HTT: variants seen among roughly 807,000 people sequenced by gnomAD.
The protein encoded by HTT is huntingtin.
HTT carries 104 observed loss-of-function variants against 362.3 expected under a neutral mutation model. The ratio of observed to expected loss-of-function variants is 0.29; its 90% CI spans 0.24 to 0.34. HTT has a LOEUF of 0.34. Ranked by LOEUF, HTT falls within the 10% of genes least tolerant of loss-of-function variation. The probability of loss-of-function intolerance (pLI) is 1.00; values close to 1 mark genes in which losing one functional copy is unlikely to be tolerated. For synonymous variants in HTT, 1,577 were observed against 1,548.7 expected (o/e 1.02, Z -0.43); for missense variants, 3,301 against 3,928.6 (o/e 0.84, Z 4.27).
intron 41 of HTT, 77 bp downstream of exon 41, chr4:3,200,016 G>A: frequency 2.4e-6 from 3 of 1,230,346 alleles, no homozygotes; most frequent in East Asian, 2.5e-5. Context: ...CTGAGCTTTG[G>A]CCACCGTTAA....
chr4:3,206,653 C>G lies in HTT; in HGVS notation c.5876C>G (p.Ser1959Cys), dbSNP rs1719867536. Residue 1959 changes from serine (S) to cysteine (C), a missense_variant, in exon 43 of 67, where the codon TCT (serine) becomes TGT (cysteine). Physicochemically the swap from Ser to Cys is moderately radical, Grantham distance 112 (BLOSUM62 -1). This residue lies in a region of HTT where 2,316 missense variants were observed against 2,658.5 expected (regional missense o/e 0.87). Coordinates refer to ENST00000355072, the MANE Select transcript of HTT (RefSeq NM_001388492.1). This position sits in a 1 kb window ranked among gnomAD's most constrained non-coding sequence, Gnocchi z 4.6. ...GGCCTGTTCATCCAGGCAATTCAGTCTCGTTGTGAAAACCTTTCAACTGTA... is the reference window on the plus strand; with the variant it reads ...GGCCTGTTCATCCAGGCAATTCAGTGTCGTTGTGAAAACCTTTCAACTGTA... ...ASGLFIQAIQ[S>C]RCENLSTPTM... 1.2e-6 allele frequency: 2 copies of G among 1,614,196 alleles called. No individual in the cohort carries two copies. Among genetic ancestry groups the G allele is most frequent in the Non-Finnish European group, 1.7e-6 (2 of 1,180,038 alleles).
Position 3,148,005 on chromosome 4 carries a change from C to T in HTT, c.3296C>T (p.Ala1099Val). ...ALILAGNLLA[A>V]SAPKSLRSSW... is the part of the protein sequence containing the mutation. Reference sequence around the variant, plus strand: ...GGTAATGTCTGTGCCCATATCACAGCCAGTGCTCCCAAATCTCTGAGAAGT... The same window carrying T: ...GGTAATGTCTGTGCCCATATCACAGTCAGTGCTCCCAAATCTCTGAGAAGT... Residue 1099 changes from alanine (A) to valine (V), a missense_variant and splice_region_variant, in exon 26 of 67, where the codon GCC becomes GTC. Around this residue, in one of 4 missense-constraint regions of HTT, gnomAD observed 2,316 missense variants for 2,658.5 expected, o/e 0.87. Transcript: ENST00000355072. 6.2e-7 allele frequency: 1 copy of T among 1,610,530 alleles called. No individual in the cohort carries two copies. The highest frequency in any genetic ancestry group is 8.5e-7 in the Non-Finnish European group (1 of 1,178,226).
intron 23 of HTT, 129 bp downstream of exon 23, chr4:3,143,015 G>A: frequency 1.6e-6 from 1 of 635,592 alleles, no homozygotes. Context: ...CATGAGGCTT[G>A]CTAAGAAATT....
chr4:3,166,516 TC>T, intron 29 of HTT, among the ~76,000 whole-genome samples: 1 of 152,326 alleles, frequency 6.6e-6, no homozygotes, highest in East Asian at 1.9e-4. Flanking sequence ...GATGTGCCCT[TC>T]CCCCAGAGGT....
Position 3,132,603 on chromosome 4 carries a change from G to A in HTT, c.2278G>A (p.Gly760Arg). 1 of 1,614,026 alleles carries A rather than the reference G, an allele frequency of 6.2e-7. No individual in the cohort carries two copies. The highest frequency in any genetic ancestry group is 1.3e-5 in the African/African-American group (1 of 75,046). ...AGACATCTTGAACTACATCGATCAT[G>A]GAGACCCACAGGTTCGAGGAGCCAC... Reference protein sequence around the residue: ...VSDILNYIDHGDPQVRGATAI... With the variant: ...VSDILNYIDHRDPQVRGATAI... The change falls in exon 17 of 67, where the codon GGA becomes AGA. Residue 760 changes from glycine to arginine, a missense_variant. Transcript: ENST00000355072.
At chr4:3,134,649 G>T (rs181705775) in intron 19 of HTT, 109 bp downstream of exon 19, 2 of 1,031,380 alleles carry the variant, frequency 1.9e-6, no homozygotes, top group Non-Finnish European at 1.4e-6. Context: ...TCAGAAATCC[G>T]AGTGGTTTAG....
At position 3,241,778 on chromosome 4, in the gene HTT, G is replaced by C. The variant is rs1013591128; in HGVS notation, c.*1719G>C. The C allele has an allele frequency of 8.1e-6, 1 of 123,272 alleles. No homozygotes were observed. The highest frequency in any genetic ancestry group is 1.6e-5 in the Non-Finnish European group (1 of 61,120). The allele number at this position is 123,272 out of a possible 1,614,324, so 7.6% of individuals were successfully genotyped here. A position where few individuals can be genotyped will look rare whatever the true frequency, so the allele number is the denominator to read the frequency against. On this transcript the variant is annotated 3_prime_UTR_variant, in exon 67 of 67. Transcript: ENST00000355072. ...TGAAAGGGAGCCCCTCCTCTGAGCA[G>C]CCTCTGCCAGGCCTGTATGAGGCTT...
chr4:3,139,761 G>A (rs363063), intron 21 of HTT, among the ~76,000 whole-genome samples: 68,863 of 151,914 alleles, frequency 0.45, 16,143 homozygotes, highest in African/African-American at 0.55. Context: ...GTTTGGGACA[G>A]TTTTGCAGAC....
chr4:3,172,950 G>A lies in HTT; in HGVS notation c.3985G>A (p.Asp1329Asn). 1 of 1,614,148 alleles carries A rather than the reference G, an allele frequency of 6.2e-7. No homozygotes were observed. Residue 1329 changes from aspartate (D) to asparagine (N), a missense_variant, in exon 31 of 67, where the codon GAT (aspartate) becomes AAT (asparagine). Transcript: ENST00000355072. ...TGGCACAAACTTGGCCTCCCAGTTT[G>A]ATGGCTTATCTTCCAACCCCAGCAA... ...LFGTNLASQFDGLSSNPSKSQ... is the reference protein window; with the variant it reads ...LFGTNLASQFNGLSSNPSKSQ...
chr4:3,198,862 G>A (rs776705356), intron 40 of HTT, among the ~76,000 whole-genome samples: 1 of 152,202 alleles, frequency 6.6e-6, no homozygotes, highest in Admixed American at 6.5e-5. Flanking sequence ...CTCCATGGCC[G>A]GGCACAGAGG....
At chr4:3,193,415 C>T (rs1242240596) in intron 40 of HTT, among the ~76,000 whole-genome samples, 1 of 152,196 alleles carries the variant, frequency 6.6e-6, no homozygotes, top group East Asian at 1.9e-4. Context: ...TAATATTTTG[C>T]CACCAGTTGG....
chr4:3,201,774 C>G lies in HTT; in HGVS notation c.5576+1835C>G, dbSNP rs548869678. On this transcript the variant is annotated intron_variant, in intron 41 of 66. Transcript: ENST00000355072. ...CCCCTGCTCTTAGCACTGTGTTTTTCCAGCTGTGGGTGGTGGGGGATGAGT... is the reference window on the plus strand; with the variant it reads ...CCCCTGCTCTTAGCACTGTGTTTTTGCAGCTGTGGGTGGTGGGGGATGAGT... 1.8e-4 allele frequency among the ~76,000 whole-genome samples: 27 copies of G among 152,208 alleles called. No homozygotes were observed. The South Asian group carries it at 5.4e-3, about 30-fold the overall frequency.
At position 3,206,926 on chromosome 4, in the gene HTT, C is replaced by G. The variant is rs765774656; in HGVS notation, c.6018C>G (p.Arg2006=). Reference sequence around the variant, plus strand: ...GCACCCCTTTCCGTGTGCTGGCTCGCATGGTCGACATCCTTGCTTGTCGCC... The same window carrying G: ...GCACCCCTTTCCGTGTGCTGGCTCGGATGGTCGACATCCTTGCTTGTCGCC... The part of the protein sequence containing the change: ...LLCTPFRVLA[R]MVDILACRRV... Residue 2006 remains arginine (R), a synonymous_variant, in exon 44 of 67, where the codon CGC becomes CGG. Coordinates refer to ENST00000355072, the MANE Select transcript of HTT (RefSeq NM_001388492.1). This position sits in a 1 kb window ranked among gnomAD's most constrained non-coding sequence, Gnocchi z 4.6. 46 of 1,613,990 alleles carry G rather than the reference C, an allele frequency of 2.9e-5. No individual in the cohort carries two copies. The highest frequency in any genetic ancestry group is 3.9e-5 in the Non-Finnish European group (46 of 1,180,020).
At chr4:3,079,931 T>A (rs1392508245) in intron 1 of HTT, among the ~76,000 whole-genome samples, 1 of 152,198 alleles carries the variant, frequency 6.6e-6, no homozygotes, top group East Asian at 1.9e-4. Context: ...TGAACTCTGC[T>A]AAGTATAACA....
At chr4:3,150,337 T>C (rs1203924921) in intron 26 of HTT, among the ~76,000 whole-genome samples, 1 of 152,210 alleles carries the variant, frequency 6.6e-6, no homozygotes, top group East Asian at 1.9e-4. Flanking sequence ...AATAACCTTA[T>C]GTGGGTAGTG....
At chr4:3,131,559 G>T in intron 15 of HTT, 79 bp from the exon 16 acceptor site, 1 of 1,574,914 alleles carries the variant, frequency 6.3e-7, no homozygotes, top group Non-Finnish European at 8.7e-7. Flanking sequence ...GGAGCAGGTA[G>T]GTTATTGGGT....
chr4:3,125,641 T>C lies in HTT; in HGVS notation c.1402+12T>C. The C allele has an allele frequency of 1.9e-6, 3 of 1,587,506 alleles. No individual in the cohort carries two copies. Among genetic ancestry groups the C allele is most frequent in the Non-Finnish European group, 2.6e-6 (3 of 1,155,794 alleles). ...CTCTGCCTTAACAGGTAGTTCTCACTAGTTAGCCGCTGGTGTGGACCTTCA... is the reference window on the plus strand; with the variant it reads ...CTCTGCCTTAACAGGTAGTTCTCACCAGTTAGCCGCTGGTGTGGACCTTCA... On this transcript the variant is annotated intron_variant, in intron 11 of 66. Coordinates refer to ENST00000355072, the MANE Select transcript of HTT (RefSeq NM_001388492.1).
intron 29 of HTT, among the ~76,000 whole-genome samples, chr4:3,167,290 C>A (rs1257733861): frequency 6.6e-6 from 1 of 152,088 alleles, no homozygotes; most frequent in Non-Finnish European, 1.5e-5. Context: ...CCAGGCTAGT[C>A]TCGAACTCCT....
intron 40 of HTT, among the ~76,000 whole-genome samples, chr4:3,193,127 T>A (rs1162748460): frequency 6.6e-6 from 1 of 152,198 alleles, no homozygotes; most frequent in African/African-American, 2.4e-5. Context: ...AGGATGCCGG[T>A]AGGGCCCGGC....
Sources: allele counts gnomAD v4.1 joint callset (sites outside exome capture counted in the v4.1 genomes callset), GRCh38; gene constraint gnomAD v4.1.1; regional missense constraint gnomAD v4.1.1; non-coding constraint Gnocchi (gnomAD v3.1); transcripts MANE v1.5; gene names NCBI Gene and HGNC (gene_info 2026-07-23, HGNC 2026-07-21).